ZNF595: variants seen among roughly 807,000 people sequenced by gnomAD.
The protein encoded by ZNF595 is zinc finger protein 595.
In ZNF595, 9 loss-of-function variants were observed where a neutral mutation model predicts 19.4. The ratio of observed to expected loss-of-function variants is 0.46; its 90% confidence interval spans 0.28 to 0.81. ZNF595 has a LOEUF of 0.81. Among genes scored for constraint, ZNF595 ranks in the 30% least tolerant of loss-of-function variants. The pLI is 0.11. For synonymous variants in ZNF595, 255 were observed against 255.9 expected (o/e 1.00, Z 0.03); for missense variants, 729 against 736.0 (o/e 0.99, Z 0.11).
At chr4:79,185 G>A (rs1404538872) in intron 3 of ZNF595, among the ~76,000 whole-genome samples, 1 of 151,992 alleles carries the variant, frequency 6.6e-6, no homozygotes, top group Non-Finnish European at 1.5e-5. Flanking sequence ...TCTTCTCAGT[G>A]TAATTATATA....
At chr4:75,251 G>A (rs2108756867) in intron 3 of ZNF595, among the ~76,000 whole-genome samples, 1 of 152,322 alleles carries the variant, frequency 6.6e-6, no homozygotes, top group South Asian at 2.1e-4. Context: ...CCTAGAGTTG[G>A]TAATTTATAA....
chr4:82,371 GGTTTTTTTT>G (rs1386370183), intron 3 of ZNF595, among the ~76,000 whole-genome samples: 24 of 97,714 alleles, frequency 2.5e-4, no homozygotes, highest in African/African-American at 8.4e-4. Context: ...TTTGGTTTGT[GGTTTTTTTT>G]TTTTTTTTTT....
intron 3 of ZNF595, among the ~76,000 whole-genome samples, chr4:69,744 C>T (rs1214429003): frequency 3.3e-5 from 5 of 152,042 alleles, no homozygotes; most frequent in South Asian, 2.1e-4. Context: ...TATGGTGATT[C>T]GTTTGCTGTT....
At chr4:84,801 C>T (rs1459115124) in intron 3 of ZNF595, among the ~76,000 whole-genome samples, 4 of 152,052 alleles carry the variant, frequency 2.6e-5, no homozygotes, top group Non-Finnish European at 5.9e-5. Flanking sequence ...ACGTTTTCAT[C>T]GATACCTCAT....
At chr4:66,420 C>A (rs1713111994) in intron 3 of ZNF595, among the ~76,000 whole-genome samples, 2 of 151,498 alleles carry the variant, frequency 1.3e-5, no homozygotes, top group African/African-American at 4.9e-5. Context: ...GGGACTCTTA[C>A]TAAAACTTTA....
intron 3 of ZNF595, among the ~76,000 whole-genome samples, chr4:69,208 A>G (rs936637719): frequency 4.6e-5 from 7 of 152,228 alleles, no homozygotes; most frequent in African/African-American, 7.2e-5. Context: ...CACTGCTGCA[A>G]TAAAATGGAG....
At chr4:70,561 C>T (rs1713386889) in intron 3 of ZNF595, among the ~76,000 whole-genome samples, 2 of 152,168 alleles carry the variant, frequency 1.3e-5, no homozygotes, top group African/African-American at 4.8e-5. Flanking sequence ...TGGTCTCAAA[C>T]TCCTGATCTC....
In ZNF595 at chr4:85,882, G is replaced by A. The variant is rs567844953; in HGVS notation, c.378G>A (p.Gln126=). 6.2e-7 allele frequency: 1 copy of A among 1,614,090 alleles called. No individual in the cohort carries two copies. Among genetic ancestry groups the A allele is most frequent in the African/African-American group, 1.3e-5 (1 of 75,046 alleles). Residue 126 remains glutamine, a synonymous_variant, in exon 4 of 4, where the codon CAG becomes CAA. Transcript: ENST00000610261. ...GCKRVNECKV[Q]KGVNNGVYQC... is the part of the protein sequence containing the mutation. ...AACGTGTGAATGAGTGTAAGGTGCA[G>A]AAAGGAGTTAATAATGGAGTTTACC...
In ZNF595 at chr4:69,381, T is replaced by C. The variant is rs146191532; in HGVS notation, c.226+9228T>C. 2.6e-4 allele frequency among the ~76,000 whole-genome samples: 40 copies of C among 152,326 alleles called. 1 individual carries two copies. The Middle Eastern group carries it at 0.014, about 52-fold the overall frequency. ...CACCAAGAGAATGCTAGAGTTTTTT[T>C]CCCCACATCCTTACTGGCGTTTGTT... On this transcript the variant is annotated intron_variant, in intron 3 of 3. Coordinates refer to ENST00000610261, the MANE Select transcript of ZNF595 (RefSeq NM_182524.4).
intron 3 of ZNF595, among the ~76,000 whole-genome samples, chr4:77,745 C>CT (rs1233276546): frequency 6.6e-6 from 1 of 152,086 alleles, no homozygotes; most frequent in Non-Finnish European, 1.5e-5. Flanking sequence ...TCTTCAAGAA[C>CT]TTTATCAATA....
rs782807213 is a variant in ZNF595 at position 87,347 on chromosome 4, A to G, written c.1843A>G (p.Thr615Ala). 2 of 1,613,232 alleles carry G rather than the reference A, an allele frequency of 1.2e-6. No homozygotes were observed. Among genetic ancestry groups the G allele is most frequent in the South Asian group, 1.1e-5 (1 of 90,810 alleles). Residue 615 changes from threonine (T) to alanine (A), a missense_variant, in exon 4 of 4, where the codon ACT becomes GCT. Transcript: ENST00000610261. The part of the protein sequence containing the change: ...SSLTKHKIIH[T>A]GEKSYKCEEC... ...CCTTACTAAACATAAGATAATTCATACTGGAGAGAAATCCTACAAATGTGA... is the reference window on the plus strand; with the variant it reads ...CCTTACTAAACATAAGATAATTCATGCTGGAGAGAAATCCTACAAATGTGA...
chr4:79,715 G>A (rs1713827674), intron 3 of ZNF595, among the ~76,000 whole-genome samples: 1 of 137,192 alleles, frequency 7.3e-6, no homozygotes, highest in Non-Finnish European at 1.6e-5. Context: ...GGATTACTTT[G>A]GGTATTTGGG....
At chr4:78,204 T>C (rs1713755685) in intron 3 of ZNF595, among the ~76,000 whole-genome samples, 1 of 152,144 alleles carries the variant, frequency 6.6e-6, no homozygotes, top group African/African-American at 2.4e-5. Flanking sequence ...GAGATGGGGT[T>C]TCACCGTGTT....
chr4:66,365 C>G (rs1464908564), intron 3 of ZNF595, among the ~76,000 whole-genome samples: 1 of 146,868 alleles, frequency 6.8e-6, no homozygotes, highest in Non-Finnish European at 1.5e-5. Flanking sequence ...TGGATGTTAT[C>G]TTCTGTCAAA....
intron 3 of ZNF595, among the ~76,000 whole-genome samples, chr4:71,771 G>A (rs781865315): frequency 1.3e-5 from 2 of 152,098 alleles, no homozygotes; most frequent in Non-Finnish European, 2.9e-5. Context: ...CACATTGCTG[G>A]TCAGCCAATG....
intron 3 of ZNF595, among the ~76,000 whole-genome samples, chr4:66,907 C>T (rs1367134235): frequency 6.6e-6 from 1 of 150,610 alleles, no homozygotes; most frequent in Non-Finnish European, 1.5e-5. Context: ...AATGTTTGGG[C>T]TATCAGTGGT....
At chr4:76,866 C>A (rs1028933833) in intron 3 of ZNF595, among the ~76,000 whole-genome samples, 1 of 152,046 alleles carries the variant, frequency 6.6e-6, no homozygotes, top group East Asian at 1.9e-4. Flanking sequence ...TTTTCTCTTG[C>A]TTCTTTTAAG....
chr4:70,689 G>A (rs1713391597), intron 3 of ZNF595, among the ~76,000 whole-genome samples: 1 of 152,138 alleles, frequency 6.6e-6, no homozygotes, highest in South Asian at 2.1e-4. Context: ...GTAGATGTAT[G>A]GGTTTATATC....
At chr4:59,017 AG>A (rs1712734309) in intron 1 of ZNF595, among the ~76,000 whole-genome samples, 5 of 29,012 alleles carry the variant, frequency 1.7e-4, no homozygotes, top group African/African-American at 3.5e-4. Context: ...CTCTCAGCCC[AG>A]TCTTCCAGTA....
Sources: allele counts gnomAD v4.1 joint callset (sites outside exome capture counted in the v4.1 genomes callset), GRCh38; gene constraint gnomAD v4.1.1; transcripts MANE v1.5; gene names NCBI Gene and HGNC (gene_info 2026-07-23, HGNC 2026-07-21).